Variants in KCNQ5 observed in about 807,000 individuals in gnomAD.
KCNQ5 encodes the protein potassium voltage-gated channel subfamily Q member 5, also known as potassium voltage-gated channel subfamily KQT member 5.
In KCNQ5, 30 loss-of-function variants were observed where a neutral mutation model predicts 98.2. The ratio of observed to expected loss-of-function variants is 0.31; its 90% CI spans 0.23 to 0.41. The LOEUF (loss-of-function observed/expected upper bound fraction) is 0.41, where lower values mean the gene tolerates loss of function less well. KCNQ5 is among the 10% of genes least tolerant of loss of function. The pLI is 1.00. For synonymous variants in KCNQ5, 458 were observed against 449.4 expected (o/e 1.02, Z -0.24); for missense variants, 835 against 1,182.5 (o/e 0.71, Z 4.31).
chr6:72,622,657 C>T lies in KCNQ5; in HGVS notation c.398+70C>T. 4 of 1,560,848 alleles carry T rather than the reference C, an allele frequency of 2.6e-6. No homozygotes were observed. The highest frequency in any genetic ancestry group is 1.2e-5 in the South Asian group (1 of 86,160). On this transcript the variant is annotated intron_variant, in intron 1 of 13. Coordinates refer to ENST00000370398, the MANE Select transcript of KCNQ5 (RefSeq NM_019842.4). The surrounding 1 kb of genome is among the most constrained non-coding windows in gnomAD (Gnocchi z 6.0). ...GTCCCTGGCCCCCTGGGGCGTGCTC[C>T]GCGCTCGCGCCCTTGGGCCCCCGCG... is the stretch of plus-strand genomic sequence containing the variant.
chr6:73,103,234 T>C (rs1007910585), intron 5 of KCNQ5, among the ~76,000 whole-genome samples: 1 of 152,144 alleles, frequency 6.6e-6, no homozygotes, highest in Admixed American at 6.5e-5. Context: ...CATTTATTTG[T>C]GGAAACTAAG....
At chr6:72,949,854 AT>A (rs879572913) in intron 1 of KCNQ5, among the ~76,000 whole-genome samples, 26 of 152,080 alleles carry the variant, frequency 1.7e-4, no homozygotes, top group Non-Finnish European at 3.4e-4. Context: ...AATAAACTAA[AT>A]TTTTTTTAAA....
chr6:73,080,983 G>T (rs1016143485), intron 5 of KCNQ5, among the ~76,000 whole-genome samples: 22 of 152,164 alleles, frequency 1.4e-4, no homozygotes, highest in African/African-American at 5.1e-4. Flanking sequence ...AGTTCATTGA[G>T]TAAGTGAAAT....
At chr6:72,723,951 C>A (rs922626372) in intron 1 of KCNQ5, among the ~76,000 whole-genome samples, 58 of 152,148 alleles carry the variant, frequency 3.8e-4, no homozygotes, top group African/African-American at 1.2e-3. Context: ...TCTGTTACAT[C>A]TTCTGCACTT....
chr6:72,727,546 A>T (rs1770348351), intron 1 of KCNQ5, among the ~76,000 whole-genome samples: 2 of 152,010 alleles, frequency 1.3e-5, no homozygotes, highest in Admixed American at 1.3e-4. Context: ...ACTTTTGTAG[A>T]CATATAGCAG....
chr6:73,055,650 A>C (rs928654427), intron 3 of KCNQ5: 3 of 1,151,604 alleles, frequency 2.6e-6, no homozygotes, highest in Non-Finnish European at 3.9e-6. Context: ...GCCCATGGCA[A>C]CAGCCTCTGG....
chr6:73,055,842 C>A, intron 3 of KCNQ5: 2 of 710,566 alleles, frequency 2.8e-6, no homozygotes, highest in South Asian at 2.7e-5. Flanking sequence ...CTGCCCAGGG[C>A]AAAGCCAAGA....
Position 72,792,956 on chromosome 6 carries a change from A to C in KCNQ5, c.398+170369A>C, listed in dbSNP as rs547329934. Among the ~76,000 whole-genome samples the C allele has an allele frequency of 1.7e-4, 26 of 152,320 alleles. 1 individual carries two copies. Among genetic ancestry groups the C allele is most frequent in the African/African-American group, 6.0e-4 (25 of 41,582 alleles). ...AAACATGTTGTTCTAAAAAGTCTCC[A>C]TGGGAATAGAATGTAATAGAATTAC... is the stretch of plus-strand genomic sequence containing the variant. On this transcript the variant is annotated intron_variant, in intron 1 of 13. Transcript: ENST00000370398.
chr6:73,070,186 G>A (rs1261361536), intron 3 of KCNQ5, among the ~76,000 whole-genome samples: 7 of 152,010 alleles, frequency 4.6e-5, no homozygotes, highest in Non-Finnish European at 7.4e-5. Flanking sequence ...AAATAAATAC[G>A]TTTACAATAA....
intron 1 of KCNQ5, among the ~76,000 whole-genome samples, chr6:72,829,612 T>C (rs1776146619): frequency 1.3e-5 from 2 of 152,220 alleles, no homozygotes; most frequent in African/African-American, 2.4e-5. Flanking sequence ...TCATAAGACA[T>C]GTGCCCAAAA....
rs765474698 is a variant in KCNQ5 at position 73,129,866 on chromosome 6, C to T, written c.1248-3555C>T. ...GAAGCAGAGGTACCCAGCATCCGGG[C>T]TATTGACATGAGATTTGAGAATGCC... On this transcript the variant is annotated intron_variant, in intron 9 of 13. Coordinates refer to ENST00000370398, the MANE Select transcript of KCNQ5 (RefSeq NM_019842.4). The T allele has an allele frequency of 1.0e-5, 16 of 1,607,174 alleles. No individual in the cohort carries two copies. The East Asian group carries it at 3.6e-4, about 36-fold the overall frequency.
intron 1 of KCNQ5, among the ~76,000 whole-genome samples, chr6:72,745,200 A>G (rs1771320663): frequency 6.6e-6 from 1 of 152,198 alleles, no homozygotes; most frequent in Non-Finnish European, 1.5e-5. Context: ...GGAATTTTGG[A>G]AATTGTGTTC....
chr6:72,840,432 T>A (rs1776739217), intron 1 of KCNQ5, among the ~76,000 whole-genome samples: 2 of 152,204 alleles, frequency 1.3e-5, no homozygotes, highest in African/African-American at 2.4e-5. Flanking sequence ...CTTGGAGTCC[T>A]CTTTCTCAGG....
At chr6:72,835,200 G>C (rs542076015) in intron 1 of KCNQ5, among the ~76,000 whole-genome samples, 1 of 151,966 alleles carries the variant, frequency 6.6e-6, no homozygotes, top group Non-Finnish European at 1.5e-5. Context: ...GCTATTGCTC[G>C]TATATTAAAG....
chr6:72,947,225 TA>T (rs1295310158), intron 1 of KCNQ5, among the ~76,000 whole-genome samples: 2 of 152,220 alleles, frequency 1.3e-5, no homozygotes, highest in African/African-American at 4.8e-5. Context: ...CTTAACATGC[TA>T]TTTCTCCTGA....
At chr6:73,073,249 A>T (rs988331061) in intron 3 of KCNQ5, among the ~76,000 whole-genome samples, 1 of 152,156 alleles carries the variant, frequency 6.6e-6, no homozygotes, top group East Asian at 1.9e-4. Flanking sequence ...GACCACTATG[A>T]GCCTCAATTT....
At chr6:72,807,685 A>T (rs1202159306) in intron 1 of KCNQ5, among the ~76,000 whole-genome samples, 5 of 152,012 alleles carry the variant, frequency 3.3e-5, no homozygotes, top group African/African-American at 1.2e-4. Context: ...ATTTTTTTTA[A>T]AAATATTTTG....
At chr6:73,002,203 G>T (rs982406020) in intron 1 of KCNQ5, among the ~76,000 whole-genome samples, 1 of 152,110 alleles carries the variant, frequency 6.6e-6, no homozygotes, top group African/African-American at 2.4e-5. Context: ...TTCACTAGCA[G>T]GCTCTTTCCT....
intron 1 of KCNQ5, among the ~76,000 whole-genome samples, chr6:72,840,183 A>G (rs553926398): frequency 4.6e-5 from 7 of 152,098 alleles, no homozygotes; most frequent in Non-Finnish European, 7.4e-5. Context: ...GGTTGTTTCT[A>G]TATCTTGACA....
Sources: gnomAD v4.1 joint callset for allele counts (sites outside exome capture counted in the v4.1 genomes callset) on GRCh38, gnomAD v4.1.1 for gene constraint, Gnocchi (gnomAD v3.1) non-coding constraint, MANE v1.5 for transcripts, NCBI Gene and HGNC (gene_info 2026-07-23, HGNC 2026-07-21) for gene names.